Variants in HS3ST4 observed in about 807,000 individuals in gnomAD.
The protein encoded by HS3ST4 is heparan sulfate glucosamine 3-O-sulfotransferase 4.
A neutral mutation model predicts 29.2 loss-of-function variants in HS3ST4; 17 were observed. The ratio of observed to expected loss-of-function variants is 0.58; its 90% CI spans 0.40 to 0.87. HS3ST4 has a LOEUF of 0.87. Ranked by LOEUF, HS3ST4 falls within the 40% of genes least tolerant of loss-of-function variation. HS3ST4 has a pLI of 0.00. For synonymous variants in HS3ST4, 314 were observed against 285.7 expected (o/e 1.10, Z -1.00); for missense variants, 627 against 634.5 (o/e 0.99, Z 0.13).
At chr16:25,906,438 A>G (rs1293193662) in intron 1 of HS3ST4, among the ~76,000 whole-genome samples, 1 of 152,192 alleles carries the variant, frequency 6.6e-6, no homozygotes, top group East Asian at 1.9e-4. Flanking sequence ...AATATTTTAA[A>G]TGCTTATTAC....
intron 1 of HS3ST4, among the ~76,000 whole-genome samples, chr16:25,790,068 T>G (rs1332586157): frequency 6.6e-6 from 1 of 152,202 alleles, no homozygotes; most frequent in Non-Finnish European, 1.5e-5. Context: ...ACATTCCTGT[T>G]GAGTATATTC....
chr16:25,968,249 C>T (rs74013226), intron 1 of HS3ST4, among the ~76,000 whole-genome samples: 12,321 of 152,152 alleles, frequency 0.081, 706 homozygotes, highest in African/African-American at 0.14. Context: ...GGACATCATG[C>T]CAGCAAATGT....
intron 1 of HS3ST4, among the ~76,000 whole-genome samples, chr16:25,835,300 C>A (rs1967346066): frequency 6.6e-6 from 1 of 152,184 alleles, no homozygotes; most frequent in Non-Finnish European, 1.5e-5. Flanking sequence ...AGAGGAATTG[C>A]TGAACAAACA....
chr16:25,998,334 G>T (rs1193947999), intron 1 of HS3ST4, among the ~76,000 whole-genome samples: 1 of 152,064 alleles, frequency 6.6e-6, no homozygotes, highest in Admixed American at 6.6e-5. Context: ...AAGTACATTT[G>T]GATACGGTAG....
chr16:25,760,714 G>A (rs1368395618), intron 1 of HS3ST4, among the ~76,000 whole-genome samples: 6 of 151,952 alleles, frequency 3.9e-5, no homozygotes, highest in Non-Finnish European at 5.9e-5. Flanking sequence ...CCACAGCACC[G>A]GGCTCTAATT....
chr16:25,821,246 A>G (rs1162888945), intron 1 of HS3ST4, among the ~76,000 whole-genome samples: 1 of 151,566 alleles, frequency 6.6e-6, no homozygotes, highest in African/African-American at 2.4e-5. Flanking sequence ...TTTAGTAGAG[A>G]CGGGGTTTCA....
chr16:26,068,765 C>CT (rs1898568541), intron 1 of HS3ST4, among the ~76,000 whole-genome samples: 1 of 151,864 alleles, frequency 6.6e-6, no homozygotes, highest in Non-Finnish European at 1.5e-5. Flanking sequence ...GTATTTTGGC[C>CT]TTTTTTGATA....
intron 1 of HS3ST4, among the ~76,000 whole-genome samples, chr16:25,937,595 G>A (rs551375600): frequency 6.6e-6 from 1 of 152,222 alleles, no homozygotes; most frequent in East Asian, 1.9e-4. Flanking sequence ...TTTGTAGAGT[G>A]TCCTGGCGAG....
At chr16:25,788,711 AT>A (rs1050405700) in intron 1 of HS3ST4, among the ~76,000 whole-genome samples, 12 of 146,794 alleles carry the variant, frequency 8.2e-5, no homozygotes, top group South Asian at 2.2e-4. Flanking sequence ...GGGCTAAATA[AT>A]TTTTTTTTTG....
At chr16:26,062,838 G>T in intron 1 of HS3ST4, 1 of 292,286 alleles carries the variant, frequency 3.4e-6, no homozygotes, top group Non-Finnish European at 6.8e-6. Context: ...GCATATTCTG[G>T]GAGAAGAACT....
intron 1 of HS3ST4, among the ~76,000 whole-genome samples, chr16:25,745,565 A>G (rs1207303743): frequency 1.3e-5 from 2 of 152,200 alleles, no homozygotes; most frequent in Non-Finnish European, 2.9e-5. Flanking sequence ...ACAAAATTTA[A>G]GTGTTAAATT....
At chr16:25,921,983 G>A (rs1478510282) in intron 1 of HS3ST4, among the ~76,000 whole-genome samples, 5 of 151,988 alleles carry the variant, frequency 3.3e-5, no homozygotes, top group African/African-American at 1.2e-4. Flanking sequence ...TCAAACTCCT[G>A]GGCTCAAGTG....
intron 1 of HS3ST4, among the ~76,000 whole-genome samples, chr16:25,765,335 A>G (rs560692095): frequency 2.6e-5 from 4 of 152,178 alleles, no homozygotes; most frequent in Non-Finnish European, 4.4e-5. Context: ...TGGGAAGCCA[A>G]TTCTAAGGGA....
chr16:25,790,422 TAAAG>T (rs142388222), intron 1 of HS3ST4, among the ~76,000 whole-genome samples: 2,519 of 152,118 alleles, frequency 0.017, 75 homozygotes, highest in African/African-American at 0.057. Flanking sequence ...AACAAAAACA[TAAAG>T]AAAAACAAAC....
chr16:26,101,322 C>A (rs1259139647), intron 1 of HS3ST4, among the ~76,000 whole-genome samples: 2 of 152,202 alleles, frequency 1.3e-5, no homozygotes, highest in Non-Finnish European at 2.9e-5. Context: ...AAGTTCCTGA[C>A]CATCCTCGTC....
chr16:25,918,026 G>T (rs182475992), intron 1 of HS3ST4, among the ~76,000 whole-genome samples: 21 of 152,176 alleles, frequency 1.4e-4, no homozygotes, highest in South Asian at 4.2e-4. Context: ...GAGATAGGGT[G>T]GGGGGGAGCA....
In HS3ST4 at chr16:25,788,540, C is replaced by CTTTTTT. The variant is rs34729954; in HGVS notation, c.734+95392_734+95393insTTTTTT. ...TTCCTACATTTTTTTTTCTTTTCTT[C>CTTTTTT]TTTCTTTTTTTTTTTTTTTTGACAG... is the stretch of plus-strand genomic sequence containing the variant. On this transcript the variant is annotated intron_variant, in intron 1 of 1. Transcript: ENST00000331351. 1.0e-3 allele frequency among the ~76,000 whole-genome samples: 99 copies of CTTTTTT among 99,048 alleles called. 4 individuals carry two copies. Among genetic ancestry groups the CTTTTTT allele is most frequent in the South Asian group, 1.5e-3 (4 of 2,744 alleles). 65.0% of individuals were successfully genotyped at this position (99,048 alleles called of 152,430 possible). A position where few individuals can be genotyped will look rare whatever the true frequency, so the allele number is the denominator to read the frequency against.
chr16:26,042,904 G>A (rs888932005), intron 1 of HS3ST4, among the ~76,000 whole-genome samples: 5 of 152,080 alleles, frequency 3.3e-5, no homozygotes, highest in Admixed American at 6.6e-5. Context: ...GATTTTGGCA[G>A]TATCATTTTA....
chr16:25,741,040 C>CTG (rs904726367), intron 1 of HS3ST4, among the ~76,000 whole-genome samples: 5 of 140,628 alleles, frequency 3.6e-5, no homozygotes, highest in Admixed American at 1.3e-4. Context: ...AAGTGTGTGT[C>CTG]TGTGTGTGTG....
Sources: gnomAD v4.1 joint callset for allele counts (sites outside exome capture counted in the v4.1 genomes callset) on GRCh38, gnomAD v4.1.1 for gene constraint, MANE v1.5 for transcripts, NCBI Gene and HGNC (gene_info 2026-07-23, HGNC 2026-07-21) for gene names.